The following AGBL4 variants were observed in gnomAD, a reference collection of about 807,000 sequenced individuals.
The protein encoded by AGBL4 is AGBL carboxypeptidase 4.
AGBL4 carries 58 observed loss-of-function variants against 66.4 expected under a neutral mutation model. The ratio of observed to expected loss-of-function variants is 0.87; its 90% CI spans 0.71 to 1.09. The LOEUF is 1.09. Ranked by LOEUF, AGBL4 falls within the 50% of genes least tolerant of loss-of-function variation. The pLI is 0.00. For synonymous variants in AGBL4, 234 were observed against 222.9 expected (o/e 1.05, Z -0.44); for missense variants, 579 against 631.0 (o/e 0.92, Z 0.88).
At chr1:49,265,693 C>G (rs1020953694) in intron 3 of AGBL4, among the ~76,000 whole-genome samples, 2 of 151,936 alleles carry the variant, frequency 1.3e-5, no homozygotes, top group Non-Finnish European at 2.9e-5. Context: ...GTTTAGGGAA[C>G]AATAAAAGAC....
At chr1:49,304,876 TG>T (rs1244819738) in intron 3 of AGBL4, among the ~76,000 whole-genome samples, 1 of 152,224 alleles carries the variant, frequency 6.6e-6, no homozygotes, top group Non-Finnish European at 1.5e-5. Context: ...TTGACAAATA[TG>T]TATGTTATCT....
At chr1:49,984,730 A>T (rs1320696644) in intron 1 of AGBL4, among the ~76,000 whole-genome samples, 1 of 152,208 alleles carries the variant, frequency 6.6e-6, no homozygotes, top group East Asian at 1.9e-4. Context: ...TTAACAATTG[A>T]AACCAACAGA....
At chr1:48,994,306 G>A (rs1660839569) in intron 5 of AGBL4, among the ~76,000 whole-genome samples, 1 of 152,112 alleles carries the variant, frequency 6.6e-6, no homozygotes, top group African/African-American at 2.4e-5. Flanking sequence ...TAGTTCAAAT[G>A]TTGCTTCCTC....
chr1:48,534,340 C>T, intron 13 of AGBL4, 47 bp from the exon 14 acceptor site: 1 of 1,515,420 alleles, frequency 6.6e-7, no homozygotes, highest in Non-Finnish European at 8.8e-7. Context: ...CCCATATACA[C>T]ACTGTGATGA....
At chr1:48,571,512 C>G (rs545949811) in intron 11 of AGBL4, among the ~76,000 whole-genome samples, 56 of 152,336 alleles carry the variant, frequency 3.7e-4, no homozygotes, top group African/African-American at 1.3e-3. Context: ...TCAGGGGACA[C>G]TATGAGAGGC....
At chr1:49,992,852 T>C (rs917172506) in intron 1 of AGBL4, among the ~76,000 whole-genome samples, 2 of 152,218 alleles carry the variant, frequency 1.3e-5, no homozygotes, top group Non-Finnish European at 2.9e-5. Flanking sequence ...ATACTCTTCA[T>C]TGAATGTTCC....
At chr1:49,977,373 G>A (rs1488874217) in intron 1 of AGBL4, among the ~76,000 whole-genome samples, 1 of 152,084 alleles carries the variant, frequency 6.6e-6, no homozygotes, top group Non-Finnish European at 1.5e-5. Flanking sequence ...CATCTTCCAT[G>A]AGCTTCAACT....
intron 5 of AGBL4, among the ~76,000 whole-genome samples, chr1:48,872,370 A>T (rs971931434): frequency 2.0e-5 from 3 of 152,158 alleles, no homozygotes; most frequent in African/African-American, 7.2e-5. Flanking sequence ...TAAGTCACAT[A>T]TATTTATGGT....
intron 12 of AGBL4, 104 bp downstream of exon 12, chr1:48,539,538 C>T: frequency 1.2e-6 from 1 of 860,522 alleles, no homozygotes; most frequent in East Asian, 3.0e-5. Context: ...TTTCCTGCGG[C>T]ACAGATGGGA....
intron 2 of AGBL4, among the ~76,000 whole-genome samples, chr1:49,832,843 T>C (rs1417208274): frequency 4.6e-5 from 7 of 152,174 alleles, no homozygotes; most frequent in Non-Finnish European, 1.0e-4. Flanking sequence ...TTGATGGGGT[T>C]GTTTTTTTCT....
chr1:49,444,969 A>C, intron 3 of AGBL4, among the ~76,000 whole-genome samples: 1 of 146,786 alleles, frequency 6.8e-6, no homozygotes, highest in East Asian at 2.0e-4. Context: ...TTTTACTTTG[A>C]TGTGTTTTCA....
At chr1:49,022,157 AC>A (rs1438319716) in intron 5 of AGBL4, among the ~76,000 whole-genome samples, 3 of 152,154 alleles carry the variant, frequency 2.0e-5, no homozygotes, top group Non-Finnish European at 2.9e-5. Flanking sequence ...GATACTGGAA[AC>A]CTCTATTTAA....
intron 6 of AGBL4, among the ~76,000 whole-genome samples, chr1:48,770,132 T>C (rs1474664968): frequency 3.3e-5 from 5 of 152,312 alleles, no homozygotes; most frequent in East Asian, 3.9e-4. Flanking sequence ...GTGAATTCCA[T>C]TCTCTGACCC....
Position 48,619,228 on chromosome 1 carries a change from G to A in AGBL4, c.951+15265C>T, listed in dbSNP as rs575217167. The stretch of plus-strand genomic sequence containing the variant: ...CTGGCATTTTACTGATGTATTAGGC[G>A]CTATGCTCTGTGCAAGAGAGTGCAG... On this transcript the variant is annotated intron_variant, in intron 9 of 13. Coordinates refer to ENST00000371839, the MANE Select transcript of AGBL4 (RefSeq NM_032785.4). Among the ~76,000 whole-genome samples, 13 of 152,306 alleles carry A rather than the reference G, an allele frequency of 8.5e-5. No homozygotes were observed. The South Asian group carries it at 2.5e-3, about 29-fold the overall frequency.
Position 49,971,907 on chromosome 1 carries a change from G to GTTGTTTT in AGBL4, c.34+51855_34+51856insAAAACAA, listed in dbSNP as rs1553155278. Among the ~76,000 whole-genome samples, 15 of 23,428 alleles carry GTTGTTTT rather than the reference G, an allele frequency of 6.4e-4. 2 individuals carry two copies. Among genetic ancestry groups the GTTGTTTT allele is most frequent in the African/African-American group, 8.1e-4 (6 of 7,428 alleles). 15.4% of individuals were successfully genotyped at this position (23,428 alleles called of 152,430 possible). On this transcript the variant is annotated intron_variant, in intron 1 of 13. Transcript: ENST00000371839. ...AAGTACAAGTGCAGGGTTTTTTTGG[G>GTTGTTTT]TTTTTTTTTTTTTTTTTTTTTTTTT...
At chr1:49,202,817 A>C (rs1647817134) in intron 4 of AGBL4, among the ~76,000 whole-genome samples, 1 of 152,118 alleles carries the variant, frequency 6.6e-6, no homozygotes, top group African/African-American at 2.4e-5. Flanking sequence ...CAGAGTGAAA[A>C]GGCAACCTAC....
chr1:49,576,386 G>T (rs1644437153), intron 3 of AGBL4, among the ~76,000 whole-genome samples: 2 of 152,196 alleles, frequency 1.3e-5, no homozygotes, highest in Non-Finnish European at 2.9e-5. Context: ...GTCAGATAGG[G>T]ATGCTGTTTG....
chr1:49,110,274 C>T (rs1267494392), intron 4 of AGBL4, among the ~76,000 whole-genome samples: 4 of 152,168 alleles, frequency 2.6e-5, no homozygotes, highest in African/African-American at 9.7e-5. Context: ...CCTACCTTAT[C>T]CAGGCCCCAA....
rs557400896 is a variant in AGBL4 at position 49,865,115 on chromosome 1, T to A, written c.35-13597A>T. ...ACAAAACTCTGATCTCCCTTGGGAA[T>A]GGAGCCACTAAGGAGAGGGGCAACC... On this transcript the variant is annotated intron_variant, in intron 1 of 13. Coordinates refer to ENST00000371839, the MANE Select transcript of AGBL4 (RefSeq NM_032785.4). Among the ~76,000 whole-genome samples, 72 of 152,290 alleles carry A rather than the reference T, an allele frequency of 4.7e-4. 1 individual carries two copies. In the South Asian group the frequency reaches 0.014, roughly 31 times the overall value.
Sources: allele counts gnomAD v4.1 joint callset (sites outside exome capture counted in the v4.1 genomes callset), GRCh38; gene constraint gnomAD v4.1.1; transcripts MANE v1.5; gene names NCBI Gene and HGNC (gene_info 2026-07-23, HGNC 2026-07-21).